Variants in COG5 observed in about 807,000 individuals in gnomAD.
COG5 encodes the protein component of oligomeric golgi complex 5.
COG5 carries 86 observed loss-of-function variants against 110.4 expected under a neutral mutation model. The observed-to-expected ratio is 0.78, with a 90% confidence interval of 0.65 to 0.93. The LOEUF (loss-of-function observed/expected upper bound fraction) is 0.93, where lower values mean the gene tolerates loss of function less well. COG5 is among the 40% of genes least tolerant of loss of function. The pLI is 0.00. For synonymous variants in COG5, 360 were observed against 334.6 expected, an observed-to-expected ratio of 1.08 and a Z score of -0.83; for missense variants, 1,077 against 987.0, an observed-to-expected ratio of 1.09 and a Z score of -1.22.
intron 10 of COG5, among the ~76,000 whole-genome samples, chr7:107,338,126 C>T (rs1015886751): frequency 1.3e-5 from 2 of 151,760 alleles, no homozygotes; most frequent in African/African-American, 4.8e-5. Context: ...ATCTCAATGG[C>T]ATTTTTAGTA....
chr7:107,238,938 G>T (rs1229719620), intron 17 of COG5, among the ~76,000 whole-genome samples: 1 of 152,114 alleles, frequency 6.6e-6, no homozygotes, highest in African/African-American at 2.4e-5. Flanking sequence ...CAATCCATAG[G>T]TTGTCACTCC....
At chr7:107,297,273 T>C (rs1278590655) in intron 12 of COG5, among the ~76,000 whole-genome samples, 1 of 152,124 alleles carries the variant, frequency 6.6e-6, no homozygotes, top group Non-Finnish European at 1.5e-5. Context: ...CAATATAGTA[T>C]AATAACTCTA....
intron 19 of COG5, among the ~76,000 whole-genome samples, chr7:107,223,903 G>C (rs982564195): frequency 2.6e-5 from 4 of 152,200 alleles, no homozygotes; most frequent in Non-Finnish European, 5.9e-5. Context: ...AAAACACTCA[G>C]CACAGGCTTG....
chr7:107,246,720 T>C (rs1802086422), intron 17 of COG5, among the ~76,000 whole-genome samples: 1 of 151,756 alleles, frequency 6.6e-6, no homozygotes, highest in African/African-American at 2.4e-5. Context: ...GACAAAAAAA[T>C]AAGATGCTGG....
At chr7:107,514,329 TACACACACACACACACACACAC>T (rs61351697) in intron 6 of COG5, among the ~76,000 whole-genome samples, 2 of 145,638 alleles carry the variant, frequency 1.4e-5, no homozygotes, top group African/African-American at 5.0e-5. Flanking sequence ...TGGCCTATTT[TACACACACACACACACACACAC>T]ACACACACAC....
At chr7:107,246,696 G>T (rs1480084303) in intron 17 of COG5, among the ~76,000 whole-genome samples, 1 of 152,106 alleles carries the variant, frequency 6.6e-6, no homozygotes, top group Non-Finnish European at 1.5e-5. Flanking sequence ...AGTCAGAATG[G>T]CTATCATTAA....
At chr7:107,284,688 A>T (rs1196737123) in intron 12 of COG5, among the ~76,000 whole-genome samples, 1 of 152,194 alleles carries the variant, frequency 6.6e-6, no homozygotes, top group Non-Finnish European at 1.5e-5. Context: ...TGCACTTCCC[A>T]TATCTTTAAT....
chr7:107,338,861 A>T (rs1810934449), intron 10 of COG5, among the ~76,000 whole-genome samples: 1 of 152,148 alleles, frequency 6.6e-6, no homozygotes, highest in Non-Finnish European at 1.5e-5. Context: ...ACTCAACAAG[A>T]GATCCTTAAG....
chr7:107,344,158 G>A (rs1374261596), intron 10 of COG5, among the ~76,000 whole-genome samples: 1 of 152,126 alleles, frequency 6.6e-6, no homozygotes, highest in African/African-American at 2.4e-5. Context: ...AGTCCTAGTT[G>A]GCATCTTCTT....
chr7:107,439,038 T>G (rs1794542649), intron 6 of COG5, among the ~76,000 whole-genome samples: 1 of 152,096 alleles, frequency 6.6e-6, no homozygotes, highest in African/African-American at 2.4e-5. Context: ...TCATCACCAC[T>G]TCCTGACCTC....
chr7:107,307,643 G>C (rs1807843921), intron 11 of COG5, among the ~76,000 whole-genome samples: 1 of 152,132 alleles, frequency 6.6e-6, no homozygotes, highest in South Asian at 2.1e-4. Context: ...ATTATTCTAA[G>C]TGTAGTAACT....
At chr7:107,430,243 T>TA (rs765316441) in intron 6 of COG5, among the ~76,000 whole-genome samples, 1 of 152,240 alleles carries the variant, frequency 6.6e-6, no homozygotes. Context: ...AGGTATATGA[T>TA]ACATTTTTAG....
chr7:107,407,863 G>T (rs951129362), intron 7 of COG5, among the ~76,000 whole-genome samples: 2 of 152,100 alleles, frequency 1.3e-5, no homozygotes, highest in African/African-American at 2.4e-5. Flanking sequence ...AGCCATAAGT[G>T]TCATTTGGGG....
chr7:107,557,965 A>G lies in COG5; in HGVS notation c.234+11T>C, dbSNP rs764268213. 19 of 1,613,802 alleles carry G rather than the reference A, an allele frequency of 1.2e-5. 1 individual carries two copies. In the South Asian group the frequency reaches 2.0e-4, roughly 17 times the overall value. ...TGAATAATCCATAGGGACCCAGAAGATCAGAATTACCTGTAAGTGTAGTTC... is the reference window on the plus strand; with the variant it reads ...TGAATAATCCATAGGGACCCAGAAGGTCAGAATTACCTGTAAGTGTAGTTC... On this transcript the variant is annotated intron_variant, in intron 2 of 21. Coordinates refer to ENST00000297135, the MANE Select transcript of COG5 (RefSeq NM_006348.5).
intron 6 of COG5, among the ~76,000 whole-genome samples, chr7:107,508,644 T>A (rs892328626): frequency 2.0e-5 from 3 of 152,176 alleles, no homozygotes; most frequent in Non-Finnish European, 4.4e-5. Flanking sequence ...AGGGGCACAC[T>A]GACACCTTAC....
intron 8 of COG5, among the ~76,000 whole-genome samples, chr7:107,367,573 C>CA (rs1813746263): frequency 6.6e-6 from 1 of 151,824 alleles, no homozygotes; most frequent in Admixed American, 6.6e-5. Flanking sequence ...TATATATACA[C>CA]ACACACACAC....
chr7:107,429,951 C>A (rs1160369985), intron 6 of COG5, among the ~76,000 whole-genome samples: 1 of 152,124 alleles, frequency 6.6e-6, no homozygotes, highest in African/African-American at 2.4e-5. Context: ...CGGACTAATA[C>A]AGTTGGGTTG....
At chr7:107,563,766 C>T (rs1382506686) in intron 1 of COG5, 37 bp downstream of exon 1, 3 of 1,611,552 alleles carry the variant, frequency 1.9e-6, no homozygotes, top group African/African-American at 2.7e-5. Context: ...AGCGCAGACC[C>T]CCAACCCCAC....
At chr7:107,316,623 C>T (rs1480775221) in intron 11 of COG5, among the ~76,000 whole-genome samples, 1 of 132,814 alleles carries the variant, frequency 7.5e-6, no homozygotes, top group African/African-American at 2.9e-5. Context: ...ACCATTCTGG[C>T]TAACACAGTG....
Sources: gnomAD v4.1 joint callset for allele counts (sites outside exome capture counted in the v4.1 genomes callset) on GRCh38, gnomAD v4.1.1 for gene constraint, MANE v1.5 for transcripts, NCBI Gene and HGNC (gene_info 2026-07-23, HGNC 2026-07-21) for gene names.